Variants in FAM227A observed in about 807,000 individuals in gnomAD.
The protein encoded by FAM227A is family with sequence similarity 227 member A, also known as protein FAM227A.
In FAM227A, 80 loss-of-function variants were observed where a neutral mutation model predicts 74.7. That is an observed-to-expected ratio of 1.07 (90% CI 0.89 to 1.29). The LOEUF (loss-of-function observed/expected upper bound fraction) is 1.29, where lower values mean the gene tolerates loss of function less well. Ranked by LOEUF, FAM227A falls within the 50% of genes most tolerant of loss-of-function variation. The probability of loss-of-function intolerance (pLI) is 0.00; values close to 1 mark genes in which losing one functional copy is unlikely to be tolerated. For synonymous variants in FAM227A, 237 were observed against 241.8 expected (o/e 0.98, Z 0.19); for missense variants, 654 against 683.4 (o/e 0.96, Z 0.48).
chr22:38,618,972 A>G (rs1292498455), intron 11 of FAM227A, among the ~76,000 whole-genome samples: 2 of 129,428 alleles, frequency 1.5e-5, no homozygotes, highest in South Asian at 2.3e-4. Context: ...AGCTCTTCAG[A>G]AAAAAAAAAA....
chr22:38,597,109 C>T (rs977769757), intron 15 of FAM227A, 95 bp downstream of exon 15: 24 of 1,209,796 alleles, frequency 2.0e-5, no homozygotes, highest in South Asian at 1.3e-4. Context: ...TACAGGAAAC[C>T]CCCCTGCCCC....
At chr22:38,636,086 A>G (rs996556522) in intron 6 of FAM227A, among the ~76,000 whole-genome samples, 5 of 147,320 alleles carry the variant, frequency 3.4e-5, no homozygotes, top group African/African-American at 1.0e-4. Flanking sequence ...AAAGGAAGGA[A>G]GGAGGGAGGG....
intron 11 of FAM227A, among the ~76,000 whole-genome samples, chr22:38,611,187 C>G (rs552763988): frequency 9.8e-5 from 15 of 152,326 alleles, no homozygotes; most frequent in African/African-American, 3.6e-4. Flanking sequence ...CTGAGACCCC[C>G]TGTCCCATCC....
At chr22:38,599,728 G>C (rs759414533) in intron 14 of FAM227A, 36 bp downstream of exon 14, 2 of 1,524,792 alleles carry the variant, frequency 1.3e-6, no homozygotes. Flanking sequence ...CGGGGGCCTG[G>C]AGCAGTGCGC....
chr22:38,634,977 T>C (rs2091975443), intron 6 of FAM227A, among the ~76,000 whole-genome samples: 1 of 152,086 alleles, frequency 6.6e-6, no homozygotes, highest in Admixed American at 6.6e-5. Flanking sequence ...TCGGGCGCAG[T>C]GGCTCACACC....
At chr22:38,632,887 G>C (rs1232827607) in intron 6 of FAM227A, among the ~76,000 whole-genome samples, 1 of 152,194 alleles carries the variant, frequency 6.6e-6, no homozygotes, top group Admixed American at 6.5e-5. Context: ...TTCAGCAGTG[G>C]GTGAGGGTGG....
At position 38,586,175 on chromosome 22, in the gene FAM227A, T is replaced by TCTTTCCCTCTCCTC. The variant is rs773658877; in HGVS notation, c.1649_1662dup (p.Arg555GlufsTer49). ...AAATGTTCAACTTCTGTTTCTCTTC[T>TCTTTCCCTCTCCTC]CTTTCCCTCTCCTCCTTTCCCCTCC... On this transcript the variant is annotated frameshift_variant, in exon 17 of 17. Coordinates refer to ENST00000535113, the MANE Select transcript of FAM227A (RefSeq NM_001013647.2). LOFTEE classifies it low-confidence loss of function (END_TRUNC). 2 of 1,551,804 alleles carry TCTTTCCCTCTCCTC rather than the reference T, an allele frequency of 1.3e-6. No individual in the cohort carries two copies. Among genetic ancestry groups the TCTTTCCCTCTCCTC allele is most frequent in the South Asian group, 2.4e-5 (2 of 84,044 alleles).
rs1453104989 is a variant in FAM227A at position 38,591,432 on chromosome 22, T to C, written c.1638+3A>G. The C allele has an allele frequency of 2.6e-6, 4 of 1,550,664 alleles. No homozygotes were observed. In the East Asian group the frequency reaches 9.8e-5, roughly 38 times the overall value. On this transcript the variant is annotated splice_donor_region_variant and intron_variant, in intron 16 of 16. Coordinates refer to ENST00000535113, the MANE Select transcript of FAM227A (RefSeq NM_001013647.2). ...TAAACTCAATTTCTCTTTGGAGACTTCCCTTAGTTTTCTTGTCAGGTGATT... is the reference window on the plus strand; with the variant it reads ...TAAACTCAATTTCTCTTTGGAGACTCCCCTTAGTTTTCTTGTCAGGTGATT...
At chr22:38,625,943 C>CA (rs141715277) in intron 9 of FAM227A, among the ~76,000 whole-genome samples, 8,501 of 71,048 alleles carry the variant, frequency 0.12, 592 homozygotes, top group African/African-American at 0.24. Flanking sequence ...ACTCTATCTC[C>CA]AAAAAAAAAA....
chr22:38,610,167 C>T (rs1319136198), intron 11 of FAM227A, among the ~76,000 whole-genome samples: 3 of 151,994 alleles, frequency 2.0e-5, no homozygotes, highest in Non-Finnish European at 2.9e-5. Flanking sequence ...GCATGTACCA[C>T]CACACCTGGC....
At chr22:38,591,313 A>T in intron 16 of FAM227A, 122 bp downstream of exon 16, 1 of 1,425,984 alleles carries the variant, frequency 7.0e-7, no homozygotes, top group South Asian at 1.7e-5. Context: ...AGAGAGTGAG[A>T]CTCTGTCTCA....
chr22:38,591,454 G>A lies in FAM227A; in HGVS notation c.1619C>T (p.Ser540Leu). ...ACTTCCCTTAGTTTTCTTGTCAGGT[G>A]ATTCCTCATTGACGGCTGAAGGTGG... ...FIPPSAVNEESPDKKTKEGKG... is the reference protein window; with the variant it reads ...FIPPSAVNEELPDKKTKEGKG... The change falls in exon 16 of 17, where the codon TCA becomes TTA. Residue 540 changes from serine (S) to leucine (L), a missense_variant. Coordinates refer to ENST00000535113, the MANE Select transcript of FAM227A (RefSeq NM_001013647.2). 1 of 1,551,352 alleles carries A rather than the reference G, an allele frequency of 6.4e-7. No homozygotes were observed.
At position 38,579,772 on chromosome 22, in the gene FAM227A, A is replaced by T. The variant is rs1365519348; in HGVS notation, c.*6353T>A. 6.6e-6 allele frequency: 1 copy of T among 152,182 alleles called. No homozygotes were observed. Among genetic ancestry groups the T allele is most frequent in the Non-Finnish European group, 1.5e-5 (1 of 68,036 alleles). 9.4% of individuals were successfully genotyped at this position (152,182 alleles called of 1,614,324 possible). ...TATCTCTAAAATGTGATAACTCTTTAAAAAATATAACCATAATGCTATTAT... is the reference window on the plus strand; with the variant it reads ...TATCTCTAAAATGTGATAACTCTTTTAAAAATATAACCATAATGCTATTAT... On this transcript the variant is annotated 3_prime_UTR_variant, in exon 17 of 17. Transcript: ENST00000535113.
At chr22:38,648,647 T>G (rs2092279128) in intron 2 of FAM227A, among the ~76,000 whole-genome samples, 1 of 149,444 alleles carries the variant, frequency 6.7e-6, no homozygotes, top group Non-Finnish European at 1.5e-5. Flanking sequence ...TCTTAAAAAC[T>G]CGACAGTAAG....
intron 11 of FAM227A, among the ~76,000 whole-genome samples, chr22:38,612,819 A>C (rs1343967823): frequency 2.0e-5 from 3 of 151,558 alleles, no homozygotes; most frequent in African/African-American, 7.3e-5. Flanking sequence ...ACCTTGGCAG[A>C]GGCAGTATGG....
At chr22:38,640,580 T>C (rs1344776540) in intron 3 of FAM227A, among the ~76,000 whole-genome samples, 1 of 152,114 alleles carries the variant, frequency 6.6e-6, no homozygotes, top group Non-Finnish European at 1.5e-5. Context: ...AGTCCAGCAA[T>C]GAGCTTGGAT....
intron 8 of FAM227A, among the ~76,000 whole-genome samples, chr22:38,627,293 C>T (rs755070978): frequency 2.6e-5 from 4 of 151,806 alleles, no homozygotes; most frequent in South Asian, 2.1e-4. Flanking sequence ...GGAGGCCGGG[C>T]GCAGTGGCTC....
rs927818205 is a variant in FAM227A, at chr22:38,581,709, G to C, written c.*4416C>G. Reference sequence around the variant, plus strand: ...CCGCCTCGGCCTCCCAAAGTGCTGAGATTACAGGCGTTAGCCACCGCACCT... The same window carrying C: ...CCGCCTCGGCCTCCCAAAGTGCTGACATTACAGGCGTTAGCCACCGCACCT... On this transcript the variant is annotated 3_prime_UTR_variant, in exon 17 of 17. Transcript: ENST00000535113. 3 of 150,972 alleles carry C rather than the reference G, an allele frequency of 2.0e-5. No individual in the cohort carries two copies. The highest frequency in any genetic ancestry group is 4.4e-5 in the Non-Finnish European group (3 of 68,038). 9.4% of individuals were successfully genotyped at this position (150,972 alleles called of 1,614,324 possible). A position where few individuals can be genotyped will look rare whatever the true frequency, so the allele number is the denominator to read the frequency against.
intron 9 of FAM227A, among the ~76,000 whole-genome samples, chr22:38,625,908 A>T (rs2091787634): frequency 6.9e-6 from 1 of 144,342 alleles, no homozygotes; most frequent in Non-Finnish European, 1.5e-5. Flanking sequence ...GCACCATTGC[A>T]CTCCAGCCTG....
Sources: gnomAD v4.1 joint callset for allele counts (sites outside exome capture counted in the v4.1 genomes callset) on GRCh38, gnomAD v4.1.1 for gene constraint, MANE v1.5 for transcripts, NCBI Gene and HGNC (gene_info 2026-07-23, HGNC 2026-07-21) for gene names.